The following SUGCT variants were observed in gnomAD, a reference collection of about 807,000 sequenced individuals.
SUGCT encodes the protein succinyl-CoA:glutarate-CoA transferase.
Under a neutral mutation model 55.0 loss-of-function variants are expected in SUGCT, and 41 were observed. That is an observed-to-expected ratio of 0.74 (90% CI 0.58 to 0.97). The LOEUF (loss-of-function observed/expected upper bound fraction) is 0.97, where lower values mean the gene tolerates loss of function less well. SUGCT is among the 50% of genes least tolerant of loss of function. The pLI, the probability that SUGCT is intolerant of heterozygous loss-of-function variation, is 0.00. For missense variants in SUGCT, 568 were observed against 547.8 expected, an observed-to-expected ratio of 1.04 and a Z score of -0.37; for synonymous variants, 187 against 200.4, an observed-to-expected ratio of 0.93 and a Z score of 0.56.
rs1563055075 is a variant in SUGCT at position 40,860,325 on chromosome 7, T to A, written c.1163T>A (p.Val388Glu). 2 of 1,613,620 alleles carry A rather than the reference T, an allele frequency of 1.2e-6. No homozygotes were observed. Among genetic ancestry groups the A allele is most frequent in the South Asian group, 2.2e-5 (2 of 91,062 alleles). Residue 388 changes from valine (V) to glutamate (E), a missense_variant, in exon 14 of 14, where the codon GTG (valine) becomes GAG (glutamate). Physicochemically the swap from Val to Glu is moderately radical, Grantham distance 121. Transcript: ENST00000335693. ...VGKISVPGPA[V>E]RYSKFKMSEA... is the part of the protein sequence containing the mutation. ...CCTTCTCCTTTGGCAGGCCCAGCTG[T>A]GAGATACAGTAAGTTCAAGATGTCA...
At chr7:40,448,904 A>G (rs1025930411) in intron 9 of SUGCT, among the ~76,000 whole-genome samples, 2 of 145,412 alleles carry the variant, frequency 1.4e-5, no homozygotes, top group Admixed American at 6.8e-5. Context: ...ATAGACACAT[A>G]TGTGTGTGTG....
At chr7:40,384,385 G>A (rs1785012331) in intron 9 of SUGCT, among the ~76,000 whole-genome samples, 1 of 152,110 alleles carries the variant, frequency 6.6e-6, no homozygotes, top group South Asian at 2.1e-4. Flanking sequence ...TAGTTCTCCT[G>A]TGAAGAGTTT....
At chr7:40,781,990 A>G (rs1055380442) in intron 13 of SUGCT, among the ~76,000 whole-genome samples, 13 of 152,260 alleles carry the variant, frequency 8.5e-5, no homozygotes, top group African/African-American at 2.9e-4. Flanking sequence ...TGTTAAAGAC[A>G]ATGTTATTAT....
chr7:40,649,834 T>A (rs1412034232), intron 12 of SUGCT, among the ~76,000 whole-genome samples: 1 of 152,222 alleles, frequency 6.6e-6, no homozygotes, highest in African/African-American at 2.4e-5. Context: ...ACTATTTTCT[T>A]ACTCTTAAAT....
At chr7:40,709,240 C>T (rs1378036153) in intron 12 of SUGCT, among the ~76,000 whole-genome samples, 2 of 152,224 alleles carry the variant, frequency 1.3e-5, no homozygotes, top group Non-Finnish European at 2.9e-5. Flanking sequence ...TGTGTTAACT[C>T]TTCCCCACCA....
intron 1 of SUGCT, among the ~76,000 whole-genome samples, chr7:40,158,367 T>A (rs1250759827): frequency 2.0e-5 from 3 of 152,188 alleles, no homozygotes; most frequent in East Asian, 3.8e-4. Context: ...TCACTGAAAA[T>A]AATAAAATTG....
At chr7:40,224,124 G>C (rs984847217) in intron 6 of SUGCT, among the ~76,000 whole-genome samples, 3 of 152,116 alleles carry the variant, frequency 2.0e-5, no homozygotes, top group Non-Finnish European at 4.4e-5. Context: ...TCCTGACAAT[G>C]AAAAATATTT....
intron 8 of SUGCT, among the ~76,000 whole-genome samples, chr7:40,308,533 T>A (rs1794956938): frequency 6.6e-6 from 1 of 152,164 alleles, no homozygotes. Flanking sequence ...ATATCTCAGA[T>A]CCTTACCCAG....
chr7:40,559,653 C>G lies in SUGCT; in HGVS notation c.1089+63267C>G, dbSNP rs139379945. Among the ~76,000 whole-genome samples the G allele has an allele frequency of 3.0e-3, 456 of 152,332 alleles. 7 individuals carry two copies. In the East Asian group the frequency reaches 0.03, roughly 10 times the overall value. On this transcript the variant is annotated intron_variant, in intron 12 of 13. Transcript: ENST00000335693. Reference sequence around the variant, plus strand: ...CATTTACTCTGACACACTTTTTCATCTTTGTTTGCTATACTTATACATTAC... The same window carrying G: ...CATTTACTCTGACACACTTTTTCATGTTTGTTTGCTATACTTATACATTAC...
At chr7:40,241,870 A>G (rs998494784) in intron 7 of SUGCT, among the ~76,000 whole-genome samples, 11 of 149,864 alleles carry the variant, frequency 7.3e-5, no homozygotes, top group African/African-American at 2.7e-4. Flanking sequence ...CAGTGAGCTG[A>G]GATCACGCCA....
At chr7:41,034,943 C>A in the SUGCT span, among the ~76,000 whole-genome samples, 1 of 152,192 alleles carries the variant, frequency 6.6e-6, no homozygotes, top group Non-Finnish European at 1.5e-5. Flanking sequence ...CCCTTCCAGA[C>A]CGTCTCAGCA....
chr7:40,992,007 G>A, the SUGCT span, among the ~76,000 whole-genome samples: 2 of 151,960 alleles, frequency 1.3e-5, no homozygotes, highest in Admixed American at 1.3e-4. Flanking sequence ...AAGAATTCAG[G>A]ATCAGTCCAC....
chr7:40,863,622 A>G (rs1053283130), downstream of SUGCT, among the ~76,000 whole-genome samples: 1 of 152,132 alleles, frequency 6.6e-6, no homozygotes, highest in Non-Finnish European at 1.5e-5. Flanking sequence ...GATGAGTGGG[A>G]AAAATGCACA....
chr7:40,646,994 C>T (rs1800549048), intron 12 of SUGCT, among the ~76,000 whole-genome samples: 1 of 152,150 alleles, frequency 6.6e-6, no homozygotes, highest in South Asian at 2.1e-4. Context: ...CAAATCCAGA[C>T]CGCTGTGCTC....
At chr7:40,488,679 T>C (rs1251672416) in intron 11 of SUGCT, among the ~76,000 whole-genome samples, 1 of 152,172 alleles carries the variant, frequency 6.6e-6, no homozygotes, top group Non-Finnish European at 1.5e-5. Flanking sequence ...TTAGCTTTTA[T>C]GTGTCTAGAA....
chr7:40,412,695 A>G (rs1468300166), intron 9 of SUGCT, among the ~76,000 whole-genome samples: 3 of 151,976 alleles, frequency 2.0e-5, no homozygotes, highest in South Asian at 2.1e-4. Context: ...ATTTTCTGCA[A>G]TGTTGGTTCT....
intron 9 of SUGCT, among the ~76,000 whole-genome samples, chr7:40,325,909 G>GTTTTTTTTTTT (rs1796008257): frequency 7.9e-6 from 1 of 125,822 alleles, no homozygotes. Context: ...TTTTTTTTTT[G>GTTTTTTTTTTT]TTTGTTTTTG....
chr7:40,833,033 C>T (rs1331311876), intron 13 of SUGCT, among the ~76,000 whole-genome samples: 1 of 151,930 alleles, frequency 6.6e-6, no homozygotes, highest in African/African-American at 2.4e-5. Context: ...GACCTCTGCT[C>T]GGGCCATCAT....
chr7:41,038,191 C>T, the SUGCT span, among the ~76,000 whole-genome samples: 2 of 152,154 alleles, frequency 1.3e-5, no homozygotes, highest in South Asian at 4.1e-4. Context: ...TCCGTCTGAC[C>T]TCCTTTTTGC....
Sources: allele counts gnomAD v4.1 joint callset (sites outside exome capture counted in the v4.1 genomes callset), GRCh38; gene constraint gnomAD v4.1.1; transcripts MANE v1.5; gene names NCBI Gene and HGNC (gene_info 2026-07-23, HGNC 2026-07-21).